The following MAPK4 variants were observed in gnomAD, a reference collection of about 807,000 sequenced individuals.
The protein encoded by MAPK4 is Erk3-related.
MAPK4 carries 22 observed loss-of-function variants against 47.7 expected under a neutral mutation model. The ratio of observed to expected loss-of-function variants is 0.46; its 90% CI spans 0.33 to 0.66. The LOEUF (loss-of-function observed/expected upper bound fraction) is 0.66. Ranked by LOEUF, MAPK4 falls within the 30% of genes least tolerant of loss-of-function variation. The pLI is 0.02. For missense variants in MAPK4, 736 were observed against 831.7 expected, an observed-to-expected ratio of 0.88 and a Z score of 1.42; for synonymous variants, 390 against 365.7, an observed-to-expected ratio of 1.07 and a Z score of -0.76.
At chr18:50,612,503 G>A (rs889851198) in intron 1 of MAPK4, among the ~76,000 whole-genome samples, 17 of 152,142 alleles carry the variant, frequency 1.1e-4, no homozygotes, top group African/African-American at 3.6e-4. Flanking sequence ...GACTTGTGAG[G>A]GCATAGAACA....
At chr18:50,722,800 C>T (rs73431462) in intron 4 of MAPK4, among the ~76,000 whole-genome samples, 3 of 152,230 alleles carry the variant, frequency 2.0e-5, no homozygotes, top group African/African-American at 7.2e-5. Context: ...AGGTGAAAGG[C>T]GGGCTCTGGA....
chr18:50,585,881 G>A (rs533344329), intron 1 of MAPK4, among the ~76,000 whole-genome samples: 13 of 152,258 alleles, frequency 8.5e-5, no homozygotes, highest in African/African-American at 1.4e-4. Flanking sequence ...ATCAGATCTC[G>A]TGAGAACTCA....
intron 1 of MAPK4, among the ~76,000 whole-genome samples, chr18:50,640,755 C>T (rs753669185): frequency 4.6e-5 from 7 of 152,152 alleles, no homozygotes; most frequent in Non-Finnish European, 7.3e-5. Flanking sequence ...CATGAGCCAC[C>T]GCACCCAGCC....
chr18:50,640,408 G>A (rs925924009), intron 1 of MAPK4, among the ~76,000 whole-genome samples: 2 of 151,220 alleles, frequency 1.3e-5, no homozygotes, highest in African/African-American at 2.4e-5. Context: ...AAATTATATG[G>A]ATGCCCTTAC....
rs1911487552 is a variant in MAPK4 at position 50,730,218 on chromosome 18, C to T, written c.*364C>T. The T allele has an allele frequency of 5.6e-6, 1 of 179,204 alleles. No homozygotes were observed. The highest frequency in any genetic ancestry group is 1.9e-4 in the South Asian group (1 of 5,312). 11.1% of individuals were successfully genotyped at this position (179,204 alleles called of 1,614,324 possible). ...CTCCGAAACCATCTGGCCCAACTAGCCTCAACTGACAGCTGAGGAAAGGCA... is the reference window on the plus strand; with the variant it reads ...CTCCGAAACCATCTGGCCCAACTAGTCTCAACTGACAGCTGAGGAAAGGCA... On this transcript the variant is annotated 3_prime_UTR_variant, in exon 6 of 6. Coordinates refer to ENST00000400384, the MANE Select transcript of MAPK4 (RefSeq NM_002747.4).
intron 2 of MAPK4, among the ~76,000 whole-genome samples, chr18:50,666,312 G>A (rs1297731303): frequency 6.6e-6 from 1 of 152,212 alleles, no homozygotes; most frequent in Non-Finnish European, 1.5e-5. Context: ...CTTGGATGTA[G>A]ATAGTCACTT....
intron 1 of MAPK4, among the ~76,000 whole-genome samples, chr18:50,590,163 C>T (rs902194212): frequency 6.6e-6 from 1 of 152,194 alleles, no homozygotes; most frequent in Non-Finnish European, 1.5e-5. Context: ...ATGCCCAGGG[C>T]AGGCTGACTA....
At chr18:50,708,795 AAT>A (rs1452267769) in intron 2 of MAPK4, among the ~76,000 whole-genome samples, 1 of 152,134 alleles carries the variant, frequency 6.6e-6, no homozygotes, top group Non-Finnish European at 1.5e-5. Flanking sequence ...CCTGGGGTTG[AAT>A]TCCAGCTGTG....
chr18:50,712,862 A>C (rs551155219), intron 2 of MAPK4, among the ~76,000 whole-genome samples: 188 of 152,300 alleles, frequency 1.2e-3, no homozygotes, highest in Middle Eastern at 6.8e-3. Flanking sequence ...CTCTGACTGA[A>C]AATAAAACCA....
At chr18:50,622,428 TTGTATTTTCC>T (rs2042740425) in intron 1 of MAPK4, among the ~76,000 whole-genome samples, 1 of 152,140 alleles carries the variant, frequency 6.6e-6, no homozygotes, top group East Asian at 1.9e-4. Context: ...TGGAGGCCCT[TTGTATTTTCC>T]TATCCTTGGC....
At chr18:50,565,086 G>C (rs1287148523) in intron 1 of MAPK4, among the ~76,000 whole-genome samples, 1 of 152,246 alleles carries the variant, frequency 6.6e-6, no homozygotes, top group African/African-American at 2.4e-5. Flanking sequence ...GGACAGCTGT[G>C]TTTGCAAGAA....
intron 2 of MAPK4, among the ~76,000 whole-genome samples, chr18:50,695,820 G>T (rs1909484918): frequency 6.6e-6 from 1 of 152,224 alleles, no homozygotes; most frequent in African/African-American, 2.4e-5. Flanking sequence ...AGGGAGGGCA[G>T]AGTGACATCT....
rs77508039 is a variant in MAPK4, at chr18:50,605,176, A to G, written c.-871+44933A>G. 8.9e-3 allele frequency among the ~76,000 whole-genome samples: 1,353 copies of G among 152,340 alleles called. 20 individuals are homozygous for G. Among genetic ancestry groups the G allele is most frequent in the Middle Eastern group, 0.085 (25 of 294 alleles). On this transcript the variant is annotated intron_variant, in intron 1 of 5. Transcript: ENST00000400384. The stretch of plus-strand genomic sequence containing the variant: ...CTCAGAGATGTTAAGTGACTTATGT[A>G]AAGTCACACAACTAAGTACAGAGGA...
chr18:50,605,897 A>G (rs2042579046), intron 1 of MAPK4, among the ~76,000 whole-genome samples: 1 of 152,128 alleles, frequency 6.6e-6, no homozygotes. Context: ...AGTGGCAGTC[A>G]GAGGGAAAGA....
rs572715925 is a variant in MAPK4, at chr18:50,670,752, G to A, written c.546+6248G>A. Among the ~76,000 whole-genome samples, 8 of 112,030 alleles carry A rather than the reference G, an allele frequency of 7.1e-5. No individual in the cohort carries two copies. In the East Asian group the frequency reaches 7.5e-4, roughly 10 times the overall value. The allele number at this position is 112,030 out of a possible 152,430, so 73.5% of individuals were successfully genotyped here. A position where few individuals can be genotyped will look rare whatever the true frequency, so the allele number is the denominator to read the frequency against. On this transcript the variant is annotated intron_variant, in intron 2 of 5. Transcript: ENST00000400384. ...AGTCTGGGCAACAGAGTGAGACTCC[G>A]TCTCAAAAAAAAAAAAAAAAAAATC... is the stretch of plus-strand genomic sequence containing the variant.
intron 1 of MAPK4, among the ~76,000 whole-genome samples, chr18:50,570,721 G>A (rs2042242567): frequency 6.6e-6 from 1 of 152,148 alleles, no homozygotes; most frequent in Non-Finnish European, 1.5e-5. Flanking sequence ...TTTTCTGCAT[G>A]CTCAACCACG....
chr18:50,666,762 T>G (rs1443594843), intron 2 of MAPK4, among the ~76,000 whole-genome samples: 1 of 152,196 alleles, frequency 6.6e-6, no homozygotes, highest in Admixed American at 6.5e-5. Flanking sequence ...ACCCCGTGTT[T>G]GGCAGATGCC....
intron 1 of MAPK4, among the ~76,000 whole-genome samples, chr18:50,630,201 G>GT (rs2042816295): frequency 6.6e-6 from 1 of 151,818 alleles, no homozygotes; most frequent in African/African-American, 2.4e-5. Context: ...TGTCTTTTTT[G>GT]TTTTTTAGAC....
intron 1 of MAPK4, among the ~76,000 whole-genome samples, chr18:50,646,456 G>A (rs1436852749): frequency 6.6e-6 from 1 of 152,160 alleles, no homozygotes; most frequent in African/African-American, 2.4e-5. Flanking sequence ...CCTGGAGCTG[G>A]CCATCCCGAG....
Sources: gnomAD v4.1 joint callset for allele counts (sites outside exome capture counted in the v4.1 genomes callset) on GRCh38, gnomAD v4.1.1 for gene constraint, MANE v1.5 for transcripts, NCBI Gene and HGNC (gene_info 2026-07-23, HGNC 2026-07-21) for gene names.